ADK: variants seen among roughly 807,000 people sequenced by gnomAD.
ADK encodes N6,N6-dimethyladenosine kinase.
In ADK, 24 loss-of-function variants were observed where a neutral mutation model predicts 44.7. The ratio of observed to expected loss-of-function variants is 0.54; its 90% CI spans 0.39 to 0.76. The LOEUF (loss-of-function observed/expected upper bound fraction) is 0.76. Among genes scored for constraint, ADK ranks in the 30% least tolerant of loss-of-function variants. The pLI is 0.00. For missense variants in ADK, 321 were observed against 425.1 expected (o/e 0.76, Z 2.15); for synonymous variants, 128 against 142.6 (o/e 0.90, Z 0.73).
chr10:74,372,174 C>G (rs1056407878), intron 4 of ADK: 23 of 755,516 alleles, frequency 3.0e-5, no homozygotes, highest in African/African-American at 2.0e-4. Flanking sequence ...AGCAGAGCAG[C>G]CTGCTGCTGA....
chr10:74,208,993 TC>T (rs1366689582), intron 2 of ADK, among the ~76,000 whole-genome samples: 1 of 152,158 alleles, frequency 6.6e-6, no homozygotes, highest in Non-Finnish European at 1.5e-5. Flanking sequence ...CACCTCGGTC[TC>T]CCAAAGTGCT....
At chr10:74,396,610 G>C (rs1375351052) in intron 5 of ADK, among the ~76,000 whole-genome samples, 1 of 152,098 alleles carries the variant, frequency 6.6e-6, no homozygotes, top group Non-Finnish European at 1.5e-5. Flanking sequence ...CTTGATCCAG[G>C]TTCTTCCTCT....
chr10:74,667,078 G>A (rs867134258), intron 9 of ADK, among the ~76,000 whole-genome samples: 8 of 152,054 alleles, frequency 5.3e-5, no homozygotes, highest in South Asian at 2.1e-4. Flanking sequence ...TGATCCACCC[G>A]CCTCAGCCTC....
chr10:74,366,222 C>T (rs1288389029), intron 4 of ADK, among the ~76,000 whole-genome samples: 1 of 152,166 alleles, frequency 6.6e-6, no homozygotes, highest in East Asian at 1.9e-4. Flanking sequence ...ATCTCTAGAT[C>T]CTTTGTAGTT....
In ADK at chr10:74,274,732, GTA is replaced by G. The variant is rs754929114; in HGVS notation, c.195-39920_195-39919del. Among the ~76,000 whole-genome samples the G allele has an allele frequency of 2.7e-4, 23 of 84,118 alleles. 1 individual carries two copies. The highest frequency in any genetic ancestry group is 8.0e-4 in the Admixed American group (6 of 7,510). The allele number at this position is 84,118 out of a possible 152,430, so 55.2% of individuals were successfully genotyped here. ...TAGTAGGAGAAAAATTTTAATGTGTGTATATATATATATATACACACACACAT... is the reference window on the plus strand; with the variant it reads ...TAGTAGGAGAAAAATTTTAATGTGTGTATATATATATATACACACACACAT... On this transcript the variant is annotated intron_variant, in intron 3 of 10. Coordinates refer to ENST00000539909, the MANE Select transcript of ADK (RefSeq NM_006721.4).
chr10:74,550,110 G>A (rs371304666), intron 7 of ADK, among the ~76,000 whole-genome samples: 13 of 143,568 alleles, frequency 9.1e-5, no homozygotes, highest in Admixed American at 2.1e-4. Context: ...TCATTCTGTC[G>A]CCCAGGCTGC....
intron 6 of ADK, among the ~76,000 whole-genome samples, chr10:74,442,420 C>T (rs1274679035): frequency 1.3e-5 from 2 of 152,086 alleles, no homozygotes; most frequent in African/African-American, 2.4e-5. Flanking sequence ...CCGAAGTGGG[C>T]GGATCACTTG....
intron 7 of ADK, among the ~76,000 whole-genome samples, chr10:74,536,010 A>G (rs1200804916): frequency 2.6e-5 from 4 of 152,144 alleles, no homozygotes; most frequent in African/African-American, 7.2e-5. Flanking sequence ...ATCAACTACT[A>G]TTCCTTTTCC....
At chr10:74,386,765 T>C (rs1363469435) in intron 4 of ADK, among the ~76,000 whole-genome samples, 2 of 152,202 alleles carry the variant, frequency 1.3e-5, no homozygotes, top group African/African-American at 4.8e-5. Context: ...TAGTCTTTTA[T>C]TTCTGTTTTT....
At chr10:74,608,177 T>C (rs1260189086) in intron 9 of ADK, among the ~76,000 whole-genome samples, 1 of 151,960 alleles carries the variant, frequency 6.6e-6, no homozygotes, top group Non-Finnish European at 1.5e-5. Context: ...GGTTAGAACA[T>C]GGTCCTTTAG....
intron 6 of ADK, among the ~76,000 whole-genome samples, chr10:74,410,234 A>C (rs1844121735): frequency 6.6e-6 from 1 of 152,104 alleles, no homozygotes; most frequent in African/African-American, 2.4e-5. Context: ...GATTGCTCAA[A>C]ATTTCATGCT....
intron 10 of ADK, among the ~76,000 whole-genome samples, chr10:74,680,473 T>G (rs1003428400): frequency 6.6e-6 from 1 of 152,108 alleles, no homozygotes; most frequent in Non-Finnish European, 1.5e-5. Flanking sequence ...TAACAGTGGA[T>G]GTACTGGGAG....
At chr10:74,320,206 C>A (rs1288895586) in intron 4 of ADK, among the ~76,000 whole-genome samples, 1 of 152,136 alleles carries the variant, frequency 6.6e-6, no homozygotes. Flanking sequence ...TAAATAGCCC[C>A]TTTATTATAG....
At chr10:74,400,710 G>T (rs371978888) in intron 6 of ADK, among the ~76,000 whole-genome samples, 1 of 152,098 alleles carries the variant, frequency 6.6e-6, no homozygotes, top group African/African-American at 2.4e-5. Flanking sequence ...AGTTCTGGGG[G>T]CTCTTTAATT....
chr10:74,420,429 G>A (rs74146352), intron 6 of ADK, among the ~76,000 whole-genome samples: 36 of 152,194 alleles, frequency 2.4e-4, no homozygotes, highest in African/African-American at 8.2e-4. Flanking sequence ...AATTAATGTA[G>A]CAAAATGAAT....
chr10:74,463,272 GTTA>G (rs1307112599), intron 6 of ADK, among the ~76,000 whole-genome samples: 1 of 151,994 alleles, frequency 6.6e-6, no homozygotes, highest in African/African-American at 2.4e-5. Context: ...CTTTATTTCT[GTTA>G]TTATTACAGT....
At chr10:74,493,682 C>T (rs1214208311) in intron 6 of ADK, among the ~76,000 whole-genome samples, 1 of 151,964 alleles carries the variant, frequency 6.6e-6, no homozygotes, top group East Asian at 1.9e-4. Flanking sequence ...TAGCACATAA[C>T]TCTTTAAAAT....
intron 6 of ADK, among the ~76,000 whole-genome samples, chr10:74,462,349 C>A (rs1180972472): frequency 1.3e-5 from 2 of 151,856 alleles, no homozygotes; most frequent in African/African-American, 4.8e-5. Context: ...AAAACTAAAA[C>A]CTCTTTCTAA....
At chr10:74,634,245 T>C (rs4745750) in intron 9 of ADK, among the ~76,000 whole-genome samples, 34,456 of 151,916 alleles carry the variant, frequency 0.23, 5,031 homozygotes, top group African/African-American at 0.41. Context: ...CGCCCTGCCT[T>C]CCAGGCTGGA....
Sources: allele counts gnomAD v4.1 joint callset (sites outside exome capture counted in the v4.1 genomes callset), GRCh38; gene constraint gnomAD v4.1.1; transcripts MANE v1.5; gene names NCBI Gene and HGNC (gene_info 2026-07-23, HGNC 2026-07-21).